The following ALOX5AP variants were observed in gnomAD, a reference collection of about 807,000 sequenced individuals.
ALOX5AP encodes arachidonate 5-lipoxygenase activating protein, also known as arachidonate 5-lipoxygenase-activating protein.
A neutral mutation model predicts 18.5 loss-of-function variants in ALOX5AP; 9 were observed. The observed-to-expected ratio is 0.49, with a 90% CI of 0.29 to 0.85. The LOEUF (loss-of-function observed/expected upper bound fraction) is 0.85, where lower values mean the gene tolerates loss of function less well. ALOX5AP is among the 40% of genes least tolerant of loss of function. ALOX5AP has a pLI of 0.08. For missense variants in ALOX5AP, 172 were observed against 202.5 expected, an observed-to-expected ratio of 0.85 and a Z score of 0.91; for synonymous variants, 81 against 78.6, an observed-to-expected ratio of 1.03 and a Z score of -0.16.
intron 3 of ALOX5AP, among the ~76,000 whole-genome samples, chr13:30,752,593 C>T (rs1212529473): frequency 6.6e-6 from 1 of 152,216 alleles, no homozygotes; most frequent in Non-Finnish European, 1.5e-5. Context: ...AGCCCACAGG[C>T]TTGACTTGAG....
intron 3 of ALOX5AP, 69 bp downstream of exon 3, chr13:30,752,191 C>G: frequency 2.6e-6 from 4 of 1,528,174 alleles, no homozygotes; most frequent in Non-Finnish European, 3.6e-6. Flanking sequence ...AAAGGGCAGG[C>G]TTTTTGTTGA....
chr13:30,730,616 A>C, upstream of ALOX5AP, among the ~76,000 whole-genome samples: 1 of 152,136 alleles, frequency 6.6e-6, no homozygotes, highest in Non-Finnish European at 1.5e-5. Flanking sequence ...GGCAACCCTG[A>C]ATGGGGAGTG....
chr13:30,760,561 C>A (rs9508835), intron 4 of ALOX5AP, among the ~76,000 whole-genome samples: 36,069 of 152,194 alleles, frequency 0.24, 5,386 homozygotes, highest in Admixed American at 0.32. Context: ...TGTTTCAAAA[C>A]TAATAACCAA....
chr13:30,743,462 C>T (rs1466071628), intron 1 of ALOX5AP, among the ~76,000 whole-genome samples: 2 of 151,158 alleles, frequency 1.3e-5, no homozygotes, highest in Admixed American at 6.6e-5. Context: ...AATGATTCAT[C>T]ACCTCCCTCT....
chr13:30,726,535 C>A (rs532810011), intron 1 of ALOX5AP, among the ~76,000 whole-genome samples: 61 of 152,206 alleles, frequency 4.0e-4, no homozygotes, highest in Non-Finnish European at 6.5e-4. Context: ...TATTCATGAA[C>A]ATGGGGAATT....
upstream of ALOX5AP, among the ~76,000 whole-genome samples, chr13:30,734,418 A>C (rs149746728): frequency 6.0e-4 from 92 of 152,312 alleles, no homozygotes; most frequent in African/African-American, 2.2e-3. Flanking sequence ...ACAGTGGTCC[A>C]TGTTCCCTTT....
At chr13:30,726,594 C>G (rs1332789594) in intron 1 of ALOX5AP, among the ~76,000 whole-genome samples, 1 of 152,154 alleles carries the variant, frequency 6.6e-6, no homozygotes, top group African/African-American at 2.4e-5. Context: ...AAATGTAAGT[C>G]AAAAACCACA....
In ALOX5AP at chr13:30,713,920, G is replaced by A. The variant is rs569840370; in HGVS notation, c.116+79G>A. On this transcript the variant is annotated intron_variant, in intron 1 of 5. Transcript: ENST00000617770. ...TCCTACAAATTTGACCTGGGCCCAGGGCCATGTTCGGTGGTTTTTAAGAAC... is the reference window on the plus strand; with the variant it reads ...TCCTACAAATTTGACCTGGGCCCAGAGCCATGTTCGGTGGTTTTTAAGAAC... 8.4e-5 allele frequency: 122 copies of A among 1,455,042 alleles called. No homozygotes were observed. The South Asian group carries it at 1.5e-3, about 17-fold the overall frequency. The allele number at this position is 1,455,042 out of a possible 1,614,324, so 90.1% of individuals were successfully genotyped here.
At chr13:30,749,205 A>G (rs4075692) in intron 2 of ALOX5AP, among the ~76,000 whole-genome samples, 88,382 of 152,076 alleles carry the variant, frequency 0.58, 26,047 homozygotes, top group East Asian at 0.73. Flanking sequence ...ATACGGACCC[A>G]ATGTCAAATC....
At chr13:30,741,918 C>T (rs1049278215) in intron 1 of ALOX5AP, among the ~76,000 whole-genome samples, 27 of 147,000 alleles carry the variant, frequency 1.8e-4, no homozygotes, top group East Asian at 2.0e-4. Flanking sequence ...GTTGATTATG[C>T]GTTCAGAGGC....
rs59980433 is a variant in ALOX5AP, at chr13:30,741,103, C to CTTTTTTTTTTTTTTTTTTTTT, written c.71-2942_71-2922dup. On this transcript the variant is annotated intron_variant, in intron 1 of 4. Transcript: ENST00000380490. ...TTAACCTACACACATCCTCCATATC[C>CTTTTTTTTTTTTTTTTTTTTT]TTTTTTTTTTTTTTTTTTTTTTTTT... is the stretch of plus-strand genomic sequence containing the variant. 4.7e-5 allele frequency among the ~76,000 whole-genome samples: 3 copies of CTTTTTTTTTTTTTTTTTTTTT among 64,008 alleles called. 1 individual carries two copies. Among genetic ancestry groups the CTTTTTTTTTTTTTTTTTTTTT allele is most frequent in the African/African-American group, 6.5e-5 (1 of 15,460 alleles). The allele number at this position is 64,008 out of a possible 152,430, so 42.0% of individuals were successfully genotyped here.
chr13:30,755,334 A>G (rs1951884551), intron 3 of ALOX5AP, among the ~76,000 whole-genome samples: 1 of 152,172 alleles, frequency 6.6e-6, no homozygotes, highest in Non-Finnish European at 1.5e-5. Flanking sequence ...CTTTTAAGAG[A>G]ACCAGTTTCA....
chr13:30,763,915 C>T (rs1306059680), intron 4 of ALOX5AP, 29 bp from the exon 5 acceptor site: 4 of 1,605,746 alleles, frequency 2.5e-6, no homozygotes, highest in Non-Finnish European at 2.6e-6. Flanking sequence ...CGCACTGCAT[C>T]TACAGTTTTC....
chr13:30,727,314 G>T (rs934873070), intron 1 of ALOX5AP, among the ~76,000 whole-genome samples: 5 of 151,776 alleles, frequency 3.3e-5, no homozygotes, highest in Admixed American at 3.3e-4. Flanking sequence ...AAAGTGCTAG[G>T]ATTACAGGTG....
At chr13:30,719,340 G>A (rs1951575527) in intron 1 of ALOX5AP, among the ~76,000 whole-genome samples, 1 of 152,198 alleles carries the variant, frequency 6.6e-6, no homozygotes, top group Admixed American at 6.5e-5. Context: ...CATGCACATG[G>A]TGCACTCACA....
At chr13:30,723,260 T>G (rs967978961) in intron 1 of ALOX5AP, among the ~76,000 whole-genome samples, 4 of 152,228 alleles carry the variant, frequency 2.6e-5, no homozygotes, top group African/African-American at 9.6e-5. Context: ...GAGAGACTAA[T>G]GTGTTGATGA....
intron 1 of ALOX5AP, 37 bp from the exon 2 acceptor site, chr13:30,744,023 C>A: frequency 6.4e-7 from 1 of 1,570,224 alleles, no homozygotes; most frequent in South Asian, 1.1e-5. Context: ...CTGAACATGC[C>A]CACAATGAAC....
At chr13:30,754,589 A>G (rs1951877543) in intron 3 of ALOX5AP, among the ~76,000 whole-genome samples, 1 of 152,236 alleles carries the variant, frequency 6.6e-6, no homozygotes, top group Non-Finnish European at 1.5e-5. Context: ...AGCATTTCAT[A>G]TGATTCCACC....
chr13:30,760,830 T>C (rs760249978), intron 4 of ALOX5AP, among the ~76,000 whole-genome samples: 8 of 152,238 alleles, frequency 5.3e-5, no homozygotes, highest in Non-Finnish European at 2.9e-5. Context: ...AATTTAATTC[T>C]GACCTTCCTC....
Sources: gnomAD v4.1 joint callset for allele counts (sites outside exome capture counted in the v4.1 genomes callset) on GRCh38, gnomAD v4.1.1 for gene constraint, MANE v1.5 for transcripts, NCBI Gene and HGNC (gene_info 2026-07-23, HGNC 2026-07-21) for gene names.